SETD2: variants seen among roughly 807,000 people sequenced by gnomAD.
SETD2 encodes the protein SET domain containing 2, histone lysine methyltransferase, also known as histone-lysine N-methyltransferase SETD2.
A neutral mutation model predicts 242.1 loss-of-function variants in SETD2; 31 were observed. That is an observed-to-expected ratio of 0.13 (90% CI 0.10 to 0.17). The LOEUF is 0.17. Among genes scored for constraint, SETD2 ranks in the 10% least tolerant of loss-of-function variants. The probability of loss-of-function intolerance (pLI) is 1.00; values close to 1 mark genes in which losing one functional copy is unlikely to be tolerated. For missense variants in SETD2, 2,481 were observed against 3,046.3 expected, an observed-to-expected ratio of 0.81 and a Z score of 4.37; for synonymous variants, 1,006 against 1,066.5, an observed-to-expected ratio of 0.94 and a Z score of 1.11.
intron 13 of SETD2, among the ~76,000 whole-genome samples, chr3:47,063,412 G>T (rs938551431): frequency 1.3e-5 from 2 of 152,012 alleles, no homozygotes; most frequent in East Asian, 1.9e-4. Context: ...AGGCATTCTA[G>T]GCTGCAATGA....
At chr3:47,157,779 A>G (rs2044159145) in intron 1 of SETD2, among the ~76,000 whole-genome samples, 1 of 152,016 alleles carries the variant, frequency 6.6e-6, no homozygotes, top group Admixed American at 6.6e-5. Context: ...AGGCTGAGGC[A>G]AGAGAACTGC....
Position 47,084,069 on chromosome 3 carries a change from T to A in SETD2, c.5711A>T (p.Asp1904Val). Residue 1904 changes from aspartate (D) to valine (V), a missense_variant, in exon 12 of 21, where the codon GAT becomes GTT. Coordinates refer to ENST00000409792, the MANE Select transcript of SETD2 (RefSeq NM_014159.7). ...TAATTGATCAAGATCCTCTTTGCCA[T>A]CCTTGCCTTCTAGCTCACTGGTTGC... ...SDATSELEGK[D>V]GKEDLDQLEN... is the part of the protein sequence containing the mutation. The A allele has an allele frequency of 9.3e-6, 15 of 1,614,226 alleles. No individual in the cohort carries two copies. Among genetic ancestry groups the A allele is most frequent in the Non-Finnish European group, 1.3e-5 (15 of 1,180,036 alleles).
intron 1 of SETD2, among the ~76,000 whole-genome samples, chr3:47,161,228 A>C (rs1190354136): frequency 6.6e-6 from 1 of 152,176 alleles, no homozygotes; most frequent in East Asian, 1.9e-4. Context: ...TTCTGCGCCA[A>C]GTGCTCTTCA....
chr3:47,075,458 G>A (rs773327665), intron 12 of SETD2, among the ~76,000 whole-genome samples: 3 of 150,700 alleles, frequency 2.0e-5, no homozygotes, highest in Admixed American at 6.7e-5. Context: ...CAGCTACTCC[G>A]GAGGCTGAAG....
intron 12 of SETD2, among the ~76,000 whole-genome samples, chr3:47,076,790 C>A (rs886562366): frequency 3.9e-5 from 6 of 152,192 alleles, no homozygotes; most frequent in African/African-American, 1.4e-4. Flanking sequence ...TATGAGAAGA[C>A]TGATGTGCCT....
At chr3:47,032,826 C>T (rs1388295147) in intron 18 of SETD2, among the ~76,000 whole-genome samples, 6 of 151,780 alleles carry the variant, frequency 4.0e-5, no homozygotes, top group African/African-American at 1.5e-4. Context: ...GCATGAGAAT[C>T]GTTTGAACCC....
At chr3:47,106,493 T>TAAAAAAAAAAAAAAAAA (rs766455577) in intron 5 of SETD2, among the ~76,000 whole-genome samples, 2 of 57,264 alleles carry the variant, frequency 3.5e-5, no homozygotes, top group African/African-American at 1.3e-4. Context: ...ATTTTTGCTC[T>TAAAAAAAAAAAAAAAAA]AAAAAAAAAA....
chr3:47,064,538 CA>C, intron 13 of SETD2: 12 of 267,048 alleles, frequency 4.5e-5, no homozygotes, highest in South Asian at 1.5e-4. Flanking sequence ...CCTGATAAAA[CA>C]AAAAAGGAAT....
intron 4 of SETD2, among the ~76,000 whole-genome samples, chr3:47,114,876 CAAAAAAAA>C (rs764948151): frequency 9.1e-5 from 5 of 55,078 alleles, no homozygotes; most frequent in Non-Finnish European, 1.8e-4. Context: ...GAGACTGTCT[CAAAAAAAA>C]AAAAAAAAAA....
At chr3:47,151,721 G>T (rs1406697190) in intron 1 of SETD2, among the ~76,000 whole-genome samples, 1 of 151,826 alleles carries the variant, frequency 6.6e-6, no homozygotes, top group African/African-American at 2.4e-5. Context: ...CACCTACTTG[G>T]GAGGCTGAGG....
chr3:47,087,497 G>T (rs1471909303), intron 10 of SETD2, among the ~76,000 whole-genome samples: 2 of 152,184 alleles, frequency 1.3e-5, no homozygotes, highest in Non-Finnish European at 2.9e-5. Flanking sequence ...ACAGCAGGTG[G>T]AGCTCAGGCA....
At chr3:47,020,786 G>C (rs538516503) in intron 18 of SETD2, among the ~76,000 whole-genome samples, 4 of 152,152 alleles carry the variant, frequency 2.6e-5, no homozygotes, top group African/African-American at 7.2e-5. Flanking sequence ...GCACAGGGTA[G>C]AATAATTTTC....
rs1697596311 is a variant in SETD2 at position 47,164,064 on chromosome 3, A to G, written c.-140T>C. 4 of 1,199,434 alleles carry G rather than the reference A, an allele frequency of 3.3e-6. No homozygotes were observed. The highest frequency in any genetic ancestry group is 4.2e-6 in the Non-Finnish European group (4 of 961,732). The allele number at this position is 1,199,434 out of a possible 1,614,324, so 74.3% of individuals were successfully genotyped here. Reference sequence around the variant, plus strand: ...GGCGGCAGGGGCGGCCCGCGTCGCTACCTCGCTCGTCGCTCCCTCCCTCCC... The same window carrying G: ...GGCGGCAGGGGCGGCCCGCGTCGCTGCCTCGCTCGTCGCTCCCTCCCTCCC... On this transcript the variant is annotated 5_prime_UTR_variant, in exon 1 of 21. Transcript: ENST00000409792. The surrounding 1 kb of genome is among the most constrained non-coding windows in gnomAD (Gnocchi z 5.4).
chr3:47,145,074 T>A (rs751827108), intron 1 of SETD2, among the ~76,000 whole-genome samples: 2 of 152,200 alleles, frequency 1.3e-5, no homozygotes, highest in Non-Finnish European at 2.9e-5. Flanking sequence ...CTGGTTTTCA[T>A]GCCTACATCT....
At position 47,045,519 on chromosome 3, in the gene SETD2, T is replaced by TAA. The variant is rs902155233; in HGVS notation, c.7098+966_7098+967dup. ...GGCGACAGAGCAAGACTCCATCTCT[T>TAA]AAAAAAAAAAAAAAAAAAAAATACA... is the stretch of plus-strand genomic sequence containing the variant. On this transcript the variant is annotated intron_variant, in intron 16 of 20. Transcript: ENST00000409792. Among the ~76,000 whole-genome samples, 104 of 100,986 alleles carry TAA rather than the reference T, an allele frequency of 1.0e-3. 1 individual carries two copies. The highest frequency in any genetic ancestry group is 3.7e-3 in the African/African-American group (94 of 25,102). The allele number at this position is 100,986 out of a possible 152,430, so 66.3% of individuals were successfully genotyped here. A position where few individuals can be genotyped will look rare whatever the true frequency, so the allele number is the denominator to read the frequency against.
rs779295786 is a variant in SETD2 at position 47,120,474 on chromosome 3, C to A, written c.4162G>T (p.Asp1388Tyr). 3.1e-6 allele frequency: 5 copies of A among 1,613,310 alleles called. No individual in the cohort carries two copies. Among genetic ancestry groups the A allele is most frequent in the Non-Finnish European group, 4.2e-6 (5 of 1,179,850 alleles). The change falls in exon 3 of 21, where the codon GAT (aspartate) becomes TAT (tyrosine). Residue 1388 changes from aspartate (D) to tyrosine (Y), a missense_variant. This residue lies in a region of SETD2 where 1,300 missense variants were observed against 1,259.2 expected (regional missense o/e 1.03). Coordinates refer to ENST00000409792, the MANE Select transcript of SETD2 (RefSeq NM_014159.7). ...TTTTTTTCTAAGTTTTTTGAAAAAT[C>A]TTTCTTTTCATTCACAGCTAAAGTG... ...KDTLAVNEKK[D>Y]FSKNLEKNDI... is the part of the protein sequence containing the mutation.
chr3:47,051,626 T>C (rs1196975327), intron 15 of SETD2, among the ~76,000 whole-genome samples: 1 of 152,154 alleles, frequency 6.6e-6, no homozygotes, highest in Non-Finnish European at 1.5e-5. Flanking sequence ...TTATTTGGAA[T>C]AGAATGGGTT....
intron 1 of SETD2, among the ~76,000 whole-genome samples, chr3:47,143,682 T>C (rs1319933882): frequency 6.6e-6 from 1 of 152,218 alleles, no homozygotes; most frequent in Non-Finnish European, 1.5e-5. Flanking sequence ...ATTGGTTTTA[T>C]ATCTCAAATG....
chr3:47,142,847 T>G (rs963207884), intron 1 of SETD2, among the ~76,000 whole-genome samples: 1 of 152,136 alleles, frequency 6.6e-6, no homozygotes, highest in Non-Finnish European at 1.5e-5. Context: ...TTTTGTATTT[T>G]TAGCAGAGAT....
Sources: allele counts gnomAD v4.1 joint callset (sites outside exome capture counted in the v4.1 genomes callset), GRCh38; gene constraint gnomAD v4.1.1; regional missense constraint gnomAD v4.1.1; non-coding constraint Gnocchi (gnomAD v3.1); transcripts MANE v1.5; gene names NCBI Gene and HGNC (gene_info 2026-07-23, HGNC 2026-07-21).